FILIP1: variants seen among roughly 807,000 people sequenced by gnomAD.
FILIP1 encodes filamin A interacting protein 1.
A neutral mutation model predicts 102.1 loss-of-function variants in FILIP1; 61 were observed. The ratio of observed to expected loss-of-function variants is 0.60; its 90% CI spans 0.49 to 0.74. The LOEUF (loss-of-function observed/expected upper bound fraction) is 0.74. Among genes scored for constraint, FILIP1 ranks in the 30% least tolerant of loss-of-function variants. The probability of loss-of-function intolerance (pLI) is 0.00; values close to 1 mark genes in which losing one functional copy is unlikely to be tolerated. For synonymous variants in FILIP1, 491 were observed against 526.9 expected, an observed-to-expected ratio of 0.93 and a Z score of 0.93; for missense variants, 1,314 against 1,441.2, an observed-to-expected ratio of 0.91 and a Z score of 1.43.
intron 1 of FILIP1, among the ~76,000 whole-genome samples, chr6:75,416,996 C>T (rs1347256961): frequency 1.3e-5 from 2 of 151,974 alleles, no homozygotes; most frequent in Non-Finnish European, 2.9e-5. Flanking sequence ...CTAAAAATTT[C>T]ATTCTGAAAT....
intron 2 of FILIP1, among the ~76,000 whole-genome samples, chr6:75,368,307 C>T (rs1775408139): frequency 6.6e-6 from 1 of 152,090 alleles, no homozygotes; most frequent in Non-Finnish European, 1.5e-5. Context: ...GGTGAGTGTG[C>T]GATTCATCGT....
chr6:75,412,453 C>G lies in FILIP1; in HGVS notation c.276+2244G>C, dbSNP rs113057379. ...CCCTGGCCAGAACTTCCAATACTAT[C>G]TTGAATAGGAGTGGTGAGAGAGGGC... On this transcript the variant is annotated intron_variant, in intron 2 of 5. Coordinates refer to ENST00000237172, the MANE Select transcript of FILIP1 (RefSeq NM_015687.5). Among the ~76,000 whole-genome samples the G allele has an allele frequency of 3.0e-3, 464 of 152,162 alleles. 4 individuals carry two copies. Among genetic ancestry groups the G allele is most frequent in the African/African-American group, 0.011 (446 of 41,538 alleles).
rs146672225 is a variant in FILIP1 at position 75,392,909 on chromosome 6, G to A, written c.276+21788C>T. Reference sequence around the variant, plus strand: ...TGTGACTTGCTCCTCCTTGCCTTCCGCCATGATCGTGAGGCCTCTCCAGCC... The same window carrying A: ...TGTGACTTGCTCCTCCTTGCCTTCCACCATGATCGTGAGGCCTCTCCAGCC... On this transcript the variant is annotated intron_variant, in intron 2 of 5. Coordinates refer to ENST00000237172, the MANE Select transcript of FILIP1 (RefSeq NM_015687.5). 9.2e-3 allele frequency among the ~76,000 whole-genome samples: 1,404 copies of A among 152,248 alleles called. 36 individuals are homozygous for A. The East Asian group carries it at 0.11, about 11-fold the overall frequency.
At chr6:75,461,668 T>C (rs908045673) in intron 1 of FILIP1, among the ~76,000 whole-genome samples, 2 of 152,194 alleles carry the variant, frequency 1.3e-5, no homozygotes, top group African/African-American at 4.8e-5. Context: ...ACAGCAATTA[T>C]TTGATTTCTT....
chr6:75,489,503 C>T (rs10943249), intron 1 of FILIP1, among the ~76,000 whole-genome samples: 17,659 of 151,940 alleles, frequency 0.12, 1,047 homozygotes, highest in African/African-American at 0.13. Context: ...TGTAATAAAG[C>T]CATACTAGCT....
At chr6:75,321,425 T>C (rs1380881580) in intron 4 of FILIP1, among the ~76,000 whole-genome samples, 1 of 152,176 alleles carries the variant, frequency 6.6e-6, no homozygotes, top group East Asian at 1.9e-4. Flanking sequence ...CATAGAAATT[T>C]TCACAGTGCT....
chr6:75,465,838 C>G (rs1232118442), intron 1 of FILIP1, among the ~76,000 whole-genome samples: 1 of 152,156 alleles, frequency 6.6e-6, no homozygotes, highest in Non-Finnish European at 1.5e-5. Context: ...CAAAACTTCT[C>G]AAAAGGAGTA....
intron 6 of FILIP1, chr6:75,296,786 T>TA (rs1562415536): frequency 6.6e-6 from 1 of 152,016 alleles, no homozygotes; most frequent in Admixed American, 6.6e-5. Flanking sequence ...AATTTATTCT[T>TA]ATAAAAATAA....
chr6:75,386,687 T>C (rs2149650014), intron 2 of FILIP1, among the ~76,000 whole-genome samples: 1 of 152,236 alleles, frequency 6.6e-6, no homozygotes, highest in African/African-American at 2.4e-5. Flanking sequence ...CTCCTAAGGA[T>C]TCACCAAAGC....
chr6:75,472,866 G>A (rs1459754587), intron 1 of FILIP1, among the ~76,000 whole-genome samples: 2 of 152,144 alleles, frequency 1.3e-5, no homozygotes, highest in Non-Finnish European at 2.9e-5. Context: ...ATAATGTAAA[G>A]TATGTCCTAA....
intron 1 of FILIP1, among the ~76,000 whole-genome samples, chr6:75,468,733 G>T (rs1222296805): frequency 6.6e-6 from 1 of 152,038 alleles, no homozygotes; most frequent in East Asian, 1.9e-4. Context: ...CACAATTTAA[G>T]GTCCAACCAA....
rs578093267 is a variant in FILIP1 at position 75,446,839 on chromosome 6, AT to A, written c.-6-31862del. Among the ~76,000 whole-genome samples the A allele has an allele frequency of 4.5e-3, 690 of 152,216 alleles. 8 individuals are homozygous for A. The highest frequency in any genetic ancestry group is 7.4e-3 in the Non-Finnish European group (504 of 67,974). ...ACAGTTCTGTAATTTGGGGAGTTGG[AT>A]TTTTTACACACAATGTGGCACATTT... On this transcript the variant is annotated intron_variant, in intron 1 of 5. Transcript: ENST00000237172.
At chr6:75,430,673 T>A (rs529476683) in intron 1 of FILIP1, among the ~76,000 whole-genome samples, 10 of 152,286 alleles carry the variant, frequency 6.6e-5, no homozygotes, top group African/African-American at 2.4e-4. Flanking sequence ...TATCTGAGGA[T>A]TAACTAGACC....
At chr6:75,382,060 A>G (rs1195840589) in intron 2 of FILIP1, among the ~76,000 whole-genome samples, 2 of 152,226 alleles carry the variant, frequency 1.3e-5, no homozygotes, top group African/African-American at 4.8e-5. Flanking sequence ...TGTACTAACA[A>G]TCATCCACAA....
chr6:75,418,122 T>C (rs1366307364), intron 1 of FILIP1, among the ~76,000 whole-genome samples: 2 of 152,170 alleles, frequency 1.3e-5, no homozygotes, highest in African/African-American at 2.4e-5. Context: ...CACTTGAACC[T>C]GGGAGACAGA....
intron 1 of FILIP1, among the ~76,000 whole-genome samples, chr6:75,426,133 G>A (rs2998386): frequency 0.024 from 3,593 of 152,176 alleles, 166 homozygotes; most frequent in African/African-American, 0.08. Flanking sequence ...AACCCTGATC[G>A]AGACTATGTG....
intron 4 of FILIP1, among the ~76,000 whole-genome samples, chr6:75,344,888 C>T (rs138537013): frequency 7.0e-4 from 107 of 152,320 alleles, no homozygotes; most frequent in Admixed American, 1.4e-3. Context: ...CACTGCACTG[C>T]AGCCTGAGCA....
chr6:75,458,856 C>T (rs1488663948), intron 1 of FILIP1: 1 of 151,824 alleles, frequency 6.6e-6, no homozygotes, highest in Non-Finnish European at 1.5e-5. Flanking sequence ...TTTCCTTGCT[C>T]CTGGATGTGG....
chr6:75,441,773 G>GAC, intron 1 of FILIP1, among the ~76,000 whole-genome samples: 1 of 147,494 alleles, frequency 6.8e-6, no homozygotes, highest in East Asian at 2.0e-4. Flanking sequence ...TCACTTCCCA[G>GAC]TAGGGGCAGC....
Sources: allele counts gnomAD v4.1 joint callset (sites outside exome capture counted in the v4.1 genomes callset), GRCh38; gene constraint gnomAD v4.1.1; transcripts MANE v1.5; gene names NCBI Gene and HGNC (gene_info 2026-07-23, HGNC 2026-07-21).